The following TEK variants were observed in gnomAD, a reference collection of about 807,000 sequenced individuals.
TEK encodes TEK receptor tyrosine kinase, also known as angiopoietin-1 receptor.
TEK carries 43 observed loss-of-function variants against 131.8 expected under a neutral mutation model. The ratio of observed to expected loss-of-function variants is 0.33; its 90% CI spans 0.26 to 0.42. The LOEUF (loss-of-function observed/expected upper bound fraction) is 0.42, where lower values mean the gene tolerates loss of function less well. Among genes scored for constraint, TEK ranks in the 10% least tolerant of loss-of-function variants. The pLI, the probability that TEK is intolerant of heterozygous loss-of-function variation, is 1.00. For missense variants in TEK, 1,162 were observed against 1,384.4 expected (o/e 0.84, Z 2.55); for synonymous variants, 580 against 491.6 (o/e 1.18, Z -2.38).
In TEK at chr9:27,218,825, T is replaced by A. The variant is rs1433575548; in HGVS notation, c.3103+8T>A. On this transcript the variant is annotated splice_region_variant and intron_variant, in intron 20 of 22. Transcript: ENST00000380036. ...GGGAGATTGTTAGCTTAGGTGAGTA[T>A]CTATGTTTATCTACCAGGTGAGACT... The A allele has an allele frequency of 6.2e-7, 1 of 1,613,554 alleles. No homozygotes were observed. The highest frequency in any genetic ancestry group is 1.3e-5 in the African/African-American group (1 of 74,884).
intron 12 of TEK, among the ~76,000 whole-genome samples, chr9:27,202,378 G>C (rs1383771173): frequency 6.6e-6 from 1 of 152,160 alleles, no homozygotes; most frequent in Non-Finnish European, 1.5e-5. Flanking sequence ...TAACAGTAGT[G>C]TCACCATGGC....
chr9:27,109,467 C>T lies in TEK; in HGVS notation c.-124C>T, dbSNP rs567250067. On this transcript the variant is annotated 5_prime_UTR_variant, in exon 1 of 23. Transcript: ENST00000380036. ...GCTTCTGTGCTGTTCCTTCTTGCCTCTAACTTGTAAACAAGACGTAGTAGG... is the reference window on the plus strand; with the variant it reads ...GCTTCTGTGCTGTTCCTTCTTGCCTTTAACTTGTAAACAAGACGTAGTAGG... 2.1e-5 allele frequency: 21 copies of T among 990,764 alleles called. No homozygotes were observed. The African/African-American group carries it at 3.3e-4, about 16-fold the overall frequency. 61.4% of individuals were successfully genotyped at this position (990,764 alleles called of 1,614,324 possible). A position where few individuals can be genotyped will look rare whatever the true frequency, so the allele number is the denominator to read the frequency against.
At chr9:27,209,012 C>G (rs1343422710) in intron 15 of TEK, 109 bp from the exon 16 acceptor site, 1 of 743,034 alleles carries the variant, frequency 1.3e-6, no homozygotes, top group Non-Finnish European at 2.4e-6. Context: ...TGGTTGTATA[C>G]AGTTGATGGT....
At chr9:27,161,102 G>A (rs183669712) in intron 2 of TEK, among the ~76,000 whole-genome samples, 2 of 152,276 alleles carry the variant, frequency 1.3e-5, no homozygotes, top group Non-Finnish European at 2.9e-5. Context: ...AAAGCAAACT[G>A]GACCAGAACA....
At chr9:27,175,329 A>C (rs912495473) in intron 6 of TEK, among the ~76,000 whole-genome samples, 7 of 150,408 alleles carry the variant, frequency 4.7e-5, no homozygotes, top group African/African-American at 1.7e-4. Context: ...ATCATTTTTT[A>C]TGGCTGCATA....
chr9:27,187,642 G>A (rs1016407986), intron 9 of TEK, among the ~76,000 whole-genome samples: 2 of 152,096 alleles, frequency 1.3e-5, no homozygotes, highest in Non-Finnish European at 2.9e-5. Context: ...AATACTACAG[G>A]CTGAGTGGCT....
At position 27,169,619 on chromosome 9, in the gene TEK, G is replaced by C; in HGVS notation, c.618G>C (p.Leu206=). The C allele has an allele frequency of 3.7e-6, 6 of 1,614,086 alleles. No homozygotes were observed. In the East Asian group the frequency reaches 1.3e-4, roughly 36 times the overall value. The part of the protein sequence containing the change: ...GNLFTSAFTR[L]IVRRCEAQKW... ...TCTTCACCTCGGCCTTCACCAGGCT[G>C]ATAGTCCGGAGTAAGTGATGGAGAG... The change falls in exon 4 of 23, where the codon CTG becomes CTC. Residue 206 remains leucine, a synonymous_variant. Coordinates refer to ENST00000380036, the MANE Select transcript of TEK (RefSeq NM_000459.5).
intron 4 of TEK, among the ~76,000 whole-genome samples, chr9:27,171,335 T>A (rs1360517497): frequency 6.6e-6 from 1 of 152,242 alleles, no homozygotes; most frequent in Non-Finnish European, 1.5e-5. Flanking sequence ...CCAATTCATT[T>A]GCTTTGCGTT....
At chr9:27,228,139 T>C (rs1826411473) in intron 21 of TEK, 67 bp from the exon 22 acceptor site, 2 of 1,369,578 alleles carry the variant, frequency 1.5e-6, no homozygotes, top group Non-Finnish European at 2.1e-6. Context: ...CTCTCCTCTC[T>C]TTTCCTGCCG....
intron 11 of TEK, among the ~76,000 whole-genome samples, chr9:27,196,763 T>A (rs1351853309): frequency 3.8e-5 from 3 of 79,586 alleles, no homozygotes; most frequent in Non-Finnish European, 6.8e-5. Context: ...TGCTATACAC[T>A]TTTTTTTTTT....
intron 1 of TEK, among the ~76,000 whole-genome samples, chr9:27,112,194 C>T (rs962627956): frequency 2.0e-5 from 3 of 152,080 alleles, no homozygotes; most frequent in Non-Finnish European, 2.9e-5. Context: ...CCACCACGCC[C>T]GCCCTTGTCA....
chr9:27,225,712 GCAA>G (rs1826295771), intron 21 of TEK, among the ~76,000 whole-genome samples: 1 of 152,154 alleles, frequency 6.6e-6, no homozygotes, highest in African/African-American at 2.4e-5. Flanking sequence ...AAAAGCGATG[GCAA>G]CAAAAGCCAA....
intron 1 of TEK, among the ~76,000 whole-genome samples, chr9:27,140,298 T>C (rs951797507): frequency 6.6e-6 from 1 of 151,666 alleles, no homozygotes; most frequent in African/African-American, 2.4e-5. Flanking sequence ...TTTGAAGGCA[T>C]ACATACTTTT....
intron 6 of TEK, among the ~76,000 whole-genome samples, chr9:27,177,082 C>G (rs781021233): frequency 6.6e-6 from 1 of 152,142 alleles, no homozygotes; most frequent in African/African-American, 2.4e-5. Flanking sequence ...TTTTCTTTAT[C>G]CATTCATCCA....
At chr9:27,172,486 G>A in intron 4 of TEK, 130 bp from the exon 5 acceptor site, 4 of 1,322,974 alleles carry the variant, frequency 3.0e-6, no homozygotes, top group Non-Finnish European at 4.2e-6. Context: ...TGAGCTTTTA[G>A]AGAGCAGAGC....
chr9:27,218,459 T>C (rs1194505851), intron 19 of TEK, among the ~76,000 whole-genome samples: 1 of 152,104 alleles, frequency 6.6e-6, no homozygotes, highest in African/African-American at 2.4e-5. Context: ...CACATAAGTA[T>C]TGGGTGGCAG....
At chr9:27,131,214 G>A (rs1301482152) in intron 1 of TEK, among the ~76,000 whole-genome samples, 3 of 152,160 alleles carry the variant, frequency 2.0e-5, no homozygotes, top group Admixed American at 6.5e-5. Context: ...AGGCATGGTG[G>A]CTCATGCCTG....
chr9:27,129,281 A>C (rs1025827490), intron 1 of TEK, among the ~76,000 whole-genome samples: 2 of 152,084 alleles, frequency 1.3e-5, no homozygotes, highest in Non-Finnish European at 2.9e-5. Flanking sequence ...TTTGTAACAT[A>C]AAATTTTTAG....
chr9:27,110,864 G>A (rs1292906465), intron 1 of TEK, among the ~76,000 whole-genome samples: 2 of 151,904 alleles, frequency 1.3e-5, no homozygotes, highest in Non-Finnish European at 2.9e-5. Context: ...TTTAAATAAT[G>A]TTGACTTCTC....
Sources: gnomAD v4.1 joint callset for allele counts (sites outside exome capture counted in the v4.1 genomes callset) on GRCh38, gnomAD v4.1.1 for gene constraint, MANE v1.5 for transcripts, NCBI Gene and HGNC (gene_info 2026-07-23, HGNC 2026-07-21) for gene names.